The following MARCO variants were observed in gnomAD, a reference collection of about 807,000 sequenced individuals.
MARCO encodes macrophage receptor with collagenous structure.
A neutral mutation model predicts 70.0 loss-of-function variants in MARCO; 72 were observed. The observed-to-expected ratio is 1.03, with a 90% CI of 0.85 to 1.25. MARCO has a LOEUF of 1.25. Ranked by LOEUF, MARCO falls within the 50% of genes most tolerant of loss-of-function variation. The probability of loss-of-function intolerance (pLI) is 0.00; values close to 1 mark genes in which losing one functional copy is unlikely to be tolerated. For synonymous variants in MARCO, 273 were observed against 243.1 expected, an observed-to-expected ratio of 1.12 and a Z score of -1.14; for missense variants, 696 against 659.3, an observed-to-expected ratio of 1.06 and a Z score of -0.61.
intron 10 of MARCO, 44 bp downstream of exon 10, chr2:118,981,700 C>T (rs1680395791): frequency 1.3e-6 from 2 of 1,576,902 alleles, no homozygotes; most frequent in African/African-American, 1.4e-5. Context: ...CTACGACTGT[C>T]CCTGGCAGAG....
chr2:118,953,358 C>A (rs780286451), intron 1 of MARCO, among the ~76,000 whole-genome samples: 3 of 152,164 alleles, frequency 2.0e-5, no homozygotes, highest in Non-Finnish European at 2.9e-5. Flanking sequence ...TATTCTTCAA[C>A]AAGAAGGAAA....
At chr2:118,990,558 C>CG in intron 12 of MARCO, 31 bp from the exon 13 acceptor site, 1 of 1,562,498 alleles carries the variant, frequency 6.4e-7, no homozygotes, top group Non-Finnish European at 8.7e-7. Flanking sequence ...TTATTATCTC[C>CG]TCCCCCCCCC....
At chr2:118,970,543 G>A (rs1363792392) in intron 3 of MARCO, among the ~76,000 whole-genome samples, 2 of 152,196 alleles carry the variant, frequency 1.3e-5, no homozygotes, top group Non-Finnish European at 2.9e-5. Context: ...AAAACACAGA[G>A]CCTGGGGCGG....
chr2:118,967,658 C>G (rs143116749), intron 1 of MARCO, among the ~76,000 whole-genome samples: 3,349 of 152,216 alleles, frequency 0.022, 52 homozygotes, highest in Non-Finnish European at 0.034. Context: ...CAGAGCTACC[C>G]CTAGACCATT....
chr2:118,978,048 G>A, intron 8 of MARCO, 113 bp downstream of exon 8: 1 of 632,926 alleles, frequency 1.6e-6, no homozygotes, highest in Non-Finnish European at 2.8e-6. Flanking sequence ...GCAGTGCTCT[G>A]TCTATGGGAA....
chr2:118,980,031 A>G (rs964450543), intron 8 of MARCO, among the ~76,000 whole-genome samples: 2 of 152,216 alleles, frequency 1.3e-5, no homozygotes, highest in Admixed American at 6.5e-5. Flanking sequence ...CCTCTTCCCA[A>G]AGCCATTCCC....
chr2:118,972,555 T>C (rs1246060351), intron 4 of MARCO, among the ~76,000 whole-genome samples: 1 of 152,142 alleles, frequency 6.6e-6, no homozygotes, highest in Non-Finnish European at 1.5e-5. Flanking sequence ...GATGGAGATA[T>C]GGTAGGACTT....
intron 1 of MARCO, among the ~76,000 whole-genome samples, chr2:118,956,136 A>G (rs1305879510): frequency 6.6e-6 from 1 of 152,244 alleles, no homozygotes; most frequent in East Asian, 1.9e-4. Flanking sequence ...ATGGTACCTC[A>G]CATTTCAATA....
In MARCO at chr2:118,986,705, GAAAGAAAGAAAGAAAGA is replaced by G. The variant is rs1288082354; in HGVS notation, c.1064-3866_1064-3850del. On this transcript the variant is annotated intron_variant, in intron 12 of 16. Coordinates refer to ENST00000327097, the MANE Select transcript of MARCO (RefSeq NM_006770.4). ...AGAAAGAAAGAAAGAAAGAAAGAAAGAAAGAAAGAAAGAAAGAAAAGAAAGAAAGAAAGAGAAAGAAA... is the reference window on the plus strand; with the variant it reads ...AGAAAGAAAGAAAGAAAGAAAGAAAGAAAGAAAGAAAGAAAGAGAAAGAAA... Among the ~76,000 whole-genome samples, 14 of 80,678 alleles carry G rather than the reference GAAAGAAAGAAAGAAAGA, an allele frequency of 1.7e-4. 2 individuals are homozygous for G. The highest frequency in any genetic ancestry group is 6.8e-4 in the African/African-American group (13 of 18,986). The allele number at this position is 80,678 out of a possible 152,430, so 52.9% of individuals were successfully genotyped here. A position where few individuals can be genotyped will look rare whatever the true frequency, so the allele number is the denominator to read the frequency against.
At chr2:118,980,159 C>T (rs59241358) in intron 8 of MARCO, among the ~76,000 whole-genome samples, 1,534 of 152,332 alleles carry the variant, frequency 0.01, 19 homozygotes, top group African/African-American at 0.036. Context: ...AAAAAAGGCA[C>T]CAACAGATTC....
At chr2:118,956,211 G>T (rs1679834762) in intron 1 of MARCO, among the ~76,000 whole-genome samples, 1 of 152,102 alleles carries the variant, frequency 6.6e-6, no homozygotes, top group South Asian at 2.1e-4. Context: ...GAATGGATAA[G>T]AACTCAACAA....
chr2:118,978,970 G>A (rs1680339238), intron 8 of MARCO, among the ~76,000 whole-genome samples: 1 of 152,134 alleles, frequency 6.6e-6, no homozygotes, highest in Non-Finnish European at 1.5e-5. Flanking sequence ...TTGGGCAAAT[G>A]AATTAACCTC....
rs1043440944 is a variant in MARCO, at chr2:118,981,733, C to T, written c.901+77C>T. The T allele has an allele frequency of 6.5e-6, 9 of 1,381,924 alleles. No individual in the cohort carries two copies. In the South Asian group the frequency reaches 1.1e-4, roughly 17 times the overall value. 85.6% of individuals were successfully genotyped at this position (1,381,924 alleles called of 1,614,324 possible). ...GAGTGAAGCTGGGGACCAGACACCA[C>T]CATCTTTTGCTTCATTGTAGTATTC... On this transcript the variant is annotated intron_variant, in intron 10 of 16. Coordinates refer to ENST00000327097, the MANE Select transcript of MARCO (RefSeq NM_006770.4).
chr2:118,982,173 G>C lies in MARCO; in HGVS notation c.919G>C (p.Gly307Arg), dbSNP rs1680405148. The C allele has an allele frequency of 2.5e-6, 4 of 1,611,764 alleles. No homozygotes were observed. The highest frequency in any genetic ancestry group is 3.4e-6 in the Non-Finnish European group (4 of 1,178,498). ...CCTTTCAGGACAACCTGGACTGCAG[G>C]GTGTTCCGGGCCCTCCTGGTGCAGT... ...KGDQGQPGLQGVPGPPGAVGH... is the reference protein window; with the variant it reads ...KGDQGQPGLQRVPGPPGAVGH... Residue 307 changes from glycine to arginine, a missense_variant, in exon 11 of 17, where the codon GGT becomes CGT. Transcript: ENST00000327097.
At chr2:118,990,568 C>CT in intron 12 of MARCO, 21 bp from the exon 13 acceptor site, 2 of 1,583,652 alleles carry the variant, frequency 1.3e-6, no homozygotes, top group Non-Finnish European at 1.7e-6. Context: ...CTCCCCCCCC[C>CT]CTTTTTTGTT....
chr2:118,969,229 T>C lies in MARCO; in HGVS notation c.167T>C (p.Leu56Pro), dbSNP rs745582844. 2 of 1,614,202 alleles carry C rather than the reference T, an allele frequency of 1.2e-6. No homozygotes were observed. Among genetic ancestry groups the C allele is most frequent in the Non-Finnish European group, 1.7e-6 (2 of 1,180,004 alleles). The change falls in exon 2 of 17, where the codon CTC becomes CCC. Residue 56 changes from leucine (L) to proline (P), a missense_variant. Coordinates refer to ENST00000327097, the MANE Select transcript of MARCO (RefSeq NM_006770.4). ...GTGGTGGTCATCTACCTGATCCTGC[T>C]CACCGCTGGCGCTGGGCTGCTGGTG... ...LAVVVIYLIL[L>P]TAGAGLLVVQ...
intron 6 of MARCO, among the ~76,000 whole-genome samples, chr2:118,976,776 C>G (rs1271204180): frequency 6.6e-6 from 1 of 152,206 alleles, no homozygotes; most frequent in South Asian, 2.1e-4. Context: ...AGCTACAATT[C>G]AAACACACTT....
chr2:118,990,732 C>T (rs1680606061), intron 13 of MARCO, 99 bp downstream of exon 13: 11 of 1,198,764 alleles, frequency 9.2e-6, no homozygotes, highest in Non-Finnish European at 1.4e-5. Flanking sequence ...ACAGCTGTGA[C>T]CTTCTCCCAA....
At chr2:118,944,845 C>T (rs1340433777) in intron 1 of MARCO, 1 of 152,172 alleles carries the variant, frequency 6.6e-6, no homozygotes, top group Non-Finnish European at 1.5e-5. Context: ...GTGCAACTTG[C>T]ATCCCTCTTT....
Sources: allele counts gnomAD v4.1 joint callset (sites outside exome capture counted in the v4.1 genomes callset), GRCh38; gene constraint gnomAD v4.1.1; transcripts MANE v1.5; gene names NCBI Gene and HGNC (gene_info 2026-07-23, HGNC 2026-07-21).